Variants in KIAA0753 observed in about 807,000 individuals in gnomAD.
KIAA0753 encodes protein moonraker.
A neutral mutation model predicts 116.9 loss-of-function variants in KIAA0753; 114 were observed. The observed-to-expected ratio is 0.98, with a 90% confidence interval of 0.84 to 1.14. The LOEUF (loss-of-function observed/expected upper bound fraction) is 1.14. KIAA0753 is among the 50% of genes most tolerant of loss of function. KIAA0753 has a pLI of 0.00. For synonymous variants in KIAA0753, 405 were observed against 413.1 expected, an observed-to-expected ratio of 0.98 and a Z score of 0.24; for missense variants, 1,156 against 1,172.4, an observed-to-expected ratio of 0.99 and a Z score of 0.20.
At chr17:6,603,551 T>G (rs961072653) in intron 12 of KIAA0753, among the ~76,000 whole-genome samples, 1 of 152,196 alleles carries the variant, frequency 6.6e-6, no homozygotes, top group African/African-American at 2.4e-5. Context: ...TCCTGTTAAT[T>G]ACAACTAAGA....
Position 6,635,074 on chromosome 17 carries a change from A to G in KIAA0753, c.30T>C (p.Cys10=). The G allele has an allele frequency of 6.2e-7, 1 of 1,614,008 alleles. No homozygotes were observed. Among genetic ancestry groups the G allele is most frequent in the East Asian group, 2.2e-5 (1 of 44,870 alleles). ...GTTGGGTCCTAGGTGCTAGATGAAC[A>G]CAGGTTGAAGCTGGCTGGCCTGGTC... is the stretch of plus-strand genomic sequence containing the variant. MGPGQPAST[C]VHLAPRTQLD... is the part of the protein sequence containing the mutation. Residue 10 remains cysteine, a synonymous_variant, in exon 2 of 19, where the codon TGT becomes TGC. Transcript: ENST00000361413.
At chr17:6,600,290 C>T (rs1969777645) in intron 13 of KIAA0753, 90 bp downstream of exon 13, 2 of 955,258 alleles carry the variant, frequency 2.1e-6, no homozygotes, top group Admixed American at 1.8e-5. Flanking sequence ...ACACTTAGCC[C>T]TATAAAGGAT....
intron 12 of KIAA0753, among the ~76,000 whole-genome samples, chr17:6,605,680 C>A (rs1264009688): frequency 6.6e-6 from 1 of 151,572 alleles, no homozygotes; most frequent in Non-Finnish European, 1.5e-5. Flanking sequence ...ATGAAAAGAT[C>A]AACACAAGAA....
chr17:6,606,872 C>G lies in KIAA0753; in HGVS notation c.2009+1G>C. ...ATTCTTCCTAAGAAGCAAACACATA[C>G]CTCAATTGTTGGAGTCTATACATTT... On this transcript the variant is annotated splice_donor_variant, in intron 12 of 18. Transcript: ENST00000361413. LOFTEE classifies it high-confidence loss of function. The G allele has an allele frequency of 6.2e-7, 1 of 1,612,322 alleles. No homozygotes were observed. The highest frequency in any genetic ancestry group is 8.5e-7 in the Non-Finnish European group (1 of 1,178,374).
intron 18 of KIAA0753, 137 bp downstream of exon 18, chr17:6,589,642 G>T: frequency 1.7e-6 from 1 of 603,826 alleles, no homozygotes. Context: ...CTGTCTCCTA[G>T]CCCAAGAACA....
At chr17:6,600,988 C>G (rs1969829311) in intron 12 of KIAA0753, 1 of 155,336 alleles carries the variant, frequency 6.4e-6, no homozygotes, top group Non-Finnish European at 1.4e-5. Context: ...TAACCAGGCC[C>G]AACCCTGCTT....
intron 4 of KIAA0753, among the ~76,000 whole-genome samples, chr17:6,624,178 T>C (rs924058988): frequency 6.6e-6 from 1 of 152,182 alleles, no homozygotes. Context: ...ACAAACACTT[T>C]TTAAAAATCC....
At position 6,592,685 on chromosome 17, in the gene KIAA0753, C is replaced by T. The variant is rs140106214; in HGVS notation, c.2441-2055G>A. ...ACTTTTATGCAAGATGGATCATAGACCTACACATAAAACTAAAACCATAAA... is the reference window on the plus strand; with the variant it reads ...ACTTTTATGCAAGATGGATCATAGATCTACACATAAAACTAAAACCATAAA... On this transcript the variant is annotated intron_variant, in intron 16 of 18. Coordinates refer to ENST00000361413, the MANE Select transcript of KIAA0753 (RefSeq NM_014804.3). 4.6e-5 allele frequency among the ~76,000 whole-genome samples: 7 copies of T among 151,978 alleles called. No individual in the cohort carries two copies. In the East Asian group the frequency reaches 1.4e-3, roughly 29 times the overall value.
rs1231309720 is a variant in KIAA0753, at chr17:6,590,977, G to GAAGAAGAAGAAGA, written c.2441-360_2441-348dup. Among the ~76,000 whole-genome samples the GAAGAAGAAGAAGA allele has an allele frequency of 3.0e-3, 405 of 136,736 alleles. 35 individuals carry two copies. Among genetic ancestry groups the GAAGAAGAAGAAGA allele is most frequent in the African/African-American group, 0.011 (378 of 35,840 alleles). 89.7% of individuals were successfully genotyped at this position (136,736 alleles called of 152,430 possible). On this transcript the variant is annotated intron_variant, in intron 16 of 18. Transcript: ENST00000361413. ...GGGTTTTTTAACCTTTAAATGCGAAGAAGAAGAAGAAGAAAGAAGAAGGAA... is the reference window on the plus strand; with the variant it reads ...GGGTTTTTTAACCTTTAAATGCGAAGAAGAAGAAGAAGAAAGAAGAAGAAGAAAGAAGAAGGAA...
chr17:6,623,115 G>T lies in KIAA0753; in HGVS notation c.889-18C>A. On this transcript the variant is annotated intron_variant, in intron 5 of 18. Coordinates refer to ENST00000361413, the MANE Select transcript of KIAA0753 (RefSeq NM_014804.3). ...GCCCATGACTGGTAATAAACAAGAT[G>T]AGAGAAGTTATTTCCATACTCAGAA... The T allele has an allele frequency of 6.3e-7, 1 of 1,597,746 alleles. No homozygotes were observed. The highest frequency in any genetic ancestry group is 1.1e-5 in the South Asian group (1 of 89,922).
chr17:6,597,710 A>C (rs1969579383), intron 14 of KIAA0753, among the ~76,000 whole-genome samples: 1 of 152,220 alleles, frequency 6.6e-6, no homozygotes, highest in African/African-American at 2.4e-5. Flanking sequence ...CCTTTACAAG[A>C]GCTTTTTCCT....
At chr17:6,624,554 A>ACGCG (rs112439852) in intron 4 of KIAA0753, among the ~76,000 whole-genome samples, 1 of 151,748 alleles carries the variant, frequency 6.6e-6, no homozygotes, top group Non-Finnish European at 1.5e-5. Context: ...ACACACACAC[A>ACGCG]CACACACACA....
chr17:6,624,817 G>A lies in KIAA0753; in HGVS notation c.763C>T (p.Arg255Cys), dbSNP rs768138129. ...ALDPDEERRI[R>C]IRRQEQAARS... is the part of the protein sequence containing the mutation. ...GCAGCTTGCTCCTGTCTCCTGATAC[G>A]GATTCGACGTTCTTCATCTGGATCC... Residue 255 changes from arginine (R) to cysteine (C), a missense_variant, in exon 4 of 19, where the codon CGT becomes TGT. Physicochemically the swap from Arg to Cys is radical, Grantham distance 180. Transcript: ENST00000361413. The A allele has an allele frequency of 3.2e-6, 5 of 1,563,122 alleles. No homozygotes were observed. The highest frequency in any genetic ancestry group is 4.3e-6 in the Non-Finnish European group (5 of 1,151,762).
In KIAA0753 at chr17:6,579,724, A is replaced by T; in HGVS notation, c.*23T>A. ...GCCATCCCTTCTCCAGTGTGACACA[A>T]ATGGCCTCGCCTCAGAGAGCCTTTA... On this transcript the variant is annotated 3_prime_UTR_variant, in exon 19 of 19. Coordinates refer to ENST00000361413, the MANE Select transcript of KIAA0753 (RefSeq NM_014804.3). The T allele has an allele frequency of 6.5e-7, 1 of 1,536,828 alleles. No individual in the cohort carries two copies. The highest frequency in any genetic ancestry group is 9.0e-7 in the Non-Finnish European group (1 of 1,111,154).
At chr17:6,601,232 C>T (rs528110625) in intron 12 of KIAA0753, among the ~76,000 whole-genome samples, 1 of 152,184 alleles carries the variant, frequency 6.6e-6, no homozygotes, top group South Asian at 2.1e-4. Context: ...ACTCCTAGAT[C>T]CCTTTCCCTA....
At chr17:6,594,529 A>C (rs757113190) in intron 16 of KIAA0753, among the ~76,000 whole-genome samples, 5 of 152,266 alleles carry the variant, frequency 3.3e-5, no homozygotes, top group Non-Finnish European at 7.3e-5. Context: ...CTCAGAAAGC[A>C]CAGTGGTTGC....
chr17:6,591,040 G>GGAAGAAGAA lies in KIAA0753; in HGVS notation c.2441-419_2441-411dup, dbSNP rs71157205. Among the ~76,000 whole-genome samples the GGAAGAAGAA allele has an allele frequency of 4.7e-3, 470 of 99,972 alleles. 7 individuals are homozygous for GGAAGAAGAA. Among genetic ancestry groups the GGAAGAAGAA allele is most frequent in the Non-Finnish European group, 6.2e-3 (297 of 48,056 alleles). The allele number at this position is 99,972 out of a possible 152,430, so 65.6% of individuals were successfully genotyped here. A position where few individuals can be genotyped will look rare whatever the true frequency, so the allele number is the denominator to read the frequency against. On this transcript the variant is annotated intron_variant, in intron 16 of 18. Coordinates refer to ENST00000361413, the MANE Select transcript of KIAA0753 (RefSeq NM_014804.3). The stretch of plus-strand genomic sequence containing the variant: ...AGAAGGAAGAAGGAAGAAGGAAGAA[G>GGAAGAAGAA]GAAGAAGAAGAAGAAGAAGAAGAAG...
intron 2 of KIAA0753, among the ~76,000 whole-genome samples, chr17:6,629,818 A>G (rs1408515463): frequency 6.6e-6 from 1 of 152,252 alleles, no homozygotes; most frequent in Non-Finnish European, 1.5e-5. Flanking sequence ...CGGATTTTTA[A>G]AAAGTAGTTA....
chr17:6,586,844 T>C (rs952268174), intron 18 of KIAA0753, among the ~76,000 whole-genome samples: 1 of 152,228 alleles, frequency 6.6e-6, no homozygotes, highest in Non-Finnish European at 1.5e-5. Context: ...AAAACTCAGC[T>C]TTCTCCTTAC....
Sources: allele counts gnomAD v4.1 joint callset (sites outside exome capture counted in the v4.1 genomes callset), GRCh38; gene constraint gnomAD v4.1.1; transcripts MANE v1.5; gene names NCBI Gene and HGNC (gene_info 2026-07-23, HGNC 2026-07-21).